The following TTN variants were observed in gnomAD, a reference collection of about 807,000 sequenced individuals.
TTN encodes the protein connectin.
A neutral mutation model predicts 3,223.0 loss-of-function variants in TTN; 1,525 were observed. That is an observed-to-expected ratio of 0.47 (90% CI 0.45 to 0.49). TTN has a LOEUF of 0.49. Ranked by LOEUF, TTN falls within the 20% of genes least tolerant of loss-of-function variation. The pLI is 0.00. For missense variants in TTN, 40,786 were observed against 43,424.0 expected (o/e 0.94, Z 5.40); for synonymous variants, 14,094 against 15,161.0 (o/e 0.93, Z 5.17).
At chr2:178,803,124 T>G (rs775253245) in intron 2 of TTN, among the ~76,000 whole-genome samples, 1 of 152,210 alleles carries the variant, frequency 6.6e-6, no homozygotes, top group Non-Finnish European at 1.5e-5. Flanking sequence ...GGCATAAAGG[T>G]TGATGCTCTA....
chr2:178,694,948 T>C (rs1360609983), intron 115 of TTN, 42 bp from the exon 116 acceptor site: 1 of 1,406,900 alleles, frequency 7.1e-7, no homozygotes. Flanking sequence ...TTAGAATTCC[T>C]ATTAAAATTC....
At chr2:178,804,692 C>A in intron 1 of TTN, 37 bp from the exon 2 acceptor site, 1 of 1,581,864 alleles carries the variant, frequency 6.3e-7, no homozygotes, top group Non-Finnish European at 8.7e-7. Flanking sequence ...GGTGTCCCAG[C>A]TAAGGGTCAC....
rs1467625585 is a variant in TTN at position 178,751,666 on chromosome 2, A to G, written c.11311+1458T>C. On this transcript the variant is annotated intron_variant, in intron 47 of 362. Coordinates refer to ENST00000589042, the MANE Select transcript of TTN (RefSeq NM_001267550.2). ...CTTCACTATTAATTGCTAGTAACCT[A>G]TAACTTCCAGAATCTCTGTCTTGGA... 4.3e-6 allele frequency: 7 copies of G among 1,613,332 alleles called. No individual in the cohort carries two copies. In the African/African-American group the frequency reaches 8.0e-5, roughly 18 times the overall value.
intron 6 of TTN, among the ~76,000 whole-genome samples, chr2:178,796,965 C>T (rs2093801611): frequency 6.6e-6 from 1 of 152,190 alleles, no homozygotes; most frequent in African/African-American, 2.4e-5. Context: ...AGGAAGCAGT[C>T]TATCTTTGAT....
intron 98 of TTN, 22 bp from the exon 99 acceptor site, chr2:178,709,878 T>C (rs1405868561): frequency 6.3e-7 from 1 of 1,587,142 alleles, no homozygotes; most frequent in Non-Finnish European, 8.6e-7. Flanking sequence ...TGCAAGGATA[T>C]ATGAAGTAGA....
At position 178,572,895 on chromosome 2, in the gene TTN, C is replaced by A; in HGVS notation, c.73237G>T (p.Val24413Phe). Reference protein sequence around the residue: ...NSEGLGEPALVPGTPKAEDRM... With the variant: ...NSEGLGEPALFPGTPKAEDRM... ...TCTTCAGCCTTTGGAGTTCCAGGAACAAGGGCAGGTTCCCCAAGTCCTTCG... is the reference window on the plus strand; with the variant it reads ...TCTTCAGCCTTTGGAGTTCCAGGAAAAAGGGCAGGTTCCCCAAGTCCTTCG... Residue 24413 changes from valine (V) to phenylalanine (F), a missense_variant, in exon 326 of 363, where the codon GTT becomes TTT. Transcript: ENST00000589042. 6.2e-7 allele frequency: 1 copy of A among 1,613,376 alleles called. No individual in the cohort carries two copies. The highest frequency in any genetic ancestry group is 8.5e-7 in the Non-Finnish European group (1 of 1,179,584).
rs886044414 is a variant in TTN at position 178,533,814 on chromosome 2, CTTA to C, written c.102798_102800del (p.Asn34266del). 16 of 1,613,974 alleles carry C rather than the reference CTTA, an allele frequency of 9.9e-6. No homozygotes were observed. The highest frequency in any genetic ancestry group is 1.3e-5 in the African/African-American group (1 of 75,040). On this transcript the variant is annotated inframe_deletion, in exon 358 of 363. Coordinates refer to ENST00000589042, the MANE Select transcript of TTN (RefSeq NM_001267550.2). ...GGACATTTTCACCTACATAAGCTGTCTTATTATAGAGAGGCAGGGTAAATTCTG... is the reference window on the plus strand; with the variant it reads ...GGACATTTTCACCTACATAAGCTGTCTTATAGAGAGGCAGGGTAAATTCTG...
Position 178,670,253 on chromosome 2 carries a change from C to T in TTN, c.35351G>A (p.Arg11784His), listed in dbSNP as rs756874306. The change falls in exon 157 of 363, where the codon CGT (arginine) becomes CAT (histidine). Residue 11784 changes from arginine to histidine, a missense_variant. By Grantham distance (29) the Arg-to-His change is conservative. Coordinates refer to ENST00000589042, the MANE Select transcript of TTN (RefSeq NM_001267550.2). ...PKKIVVEEKVRVPEEPRVPPT... is the reference protein window; with the variant it reads ...PKKIVVEEKVHVPEEPRVPPT... ...TGGAACTCTGGGCTCTTCAGGAACA[C>T]GTACTTTTTCTTCTACCACAATTTT... 15 of 1,494,056 alleles carry T rather than the reference C, an allele frequency of 1.0e-5. No individual in the cohort carries two copies. In the East Asian group the frequency reaches 1.8e-4, roughly 18 times the overall value. 92.5% of individuals were successfully genotyped at this position (1,494,056 alleles called of 1,614,324 possible).
intron 48 of TTN, among the ~76,000 whole-genome samples, chr2:178,738,756 CA>C (rs2081972026): frequency 6.6e-6 from 1 of 152,012 alleles, no homozygotes; most frequent in African/African-American, 2.4e-5. Flanking sequence ...AAGAAACAGA[CA>C]ACTAATCATG....
chr2:178,529,435 A>G (rs748855536), intron 359 of TTN: 4 of 395,922 alleles, frequency 1.0e-5, no homozygotes, highest in East Asian at 3.9e-5. Flanking sequence ...AACTGAGCCA[A>G]AGATGATTCA....
rs1378235711 is a variant in TTN, at chr2:178,554,695, ATCT to A, written c.88649_88651del (p.Lys29550del). 6.8e-6 allele frequency: 11 copies of A among 1,613,828 alleles called. No homozygotes were observed. Among genetic ancestry groups the A allele is most frequent in the African/African-American group, 2.7e-5 (2 of 74,938 alleles). On this transcript the variant is annotated inframe_deletion, in exon 332 of 363. Transcript: ENST00000589042. The stretch of plus-strand genomic sequence containing the variant: ...AGCTGGAGGCCGCCAGAGAAGGGTG[ATCT>A]TCTCAGCAGTTACAGTCTTAAATTC...
Position 178,681,669 on chromosome 2 carries a change from G to A in TTN, c.33164C>T (p.Pro11055Leu), listed in dbSNP as rs193051231. ...EPVPTKPKAPPAKVLKKAVPE... is the reference protein window; with the variant it reads ...EPVPTKPKAPLAKVLKKAVPE... The stretch of plus-strand genomic sequence containing the variant: ...TGTTTTTTTCACTCTACCTTTAGCC[G>A]GTGGGGCCTTTGGTTTTGTGGGAAC... Residue 11055 changes from proline (P) to leucine (L), a missense_variant, in exon 136 of 363, where the codon CCG (proline) becomes CTG (leucine). Physicochemically the swap from Pro to Leu is moderately conservative, Grantham distance 98. Coordinates refer to ENST00000589042, the MANE Select transcript of TTN (RefSeq NM_001267550.2). 2.7e-5 allele frequency: 43 copies of A among 1,605,438 alleles called. No homozygotes were observed. The East Asian group carries it at 5.8e-4, about 22-fold the overall frequency.
chr2:178,590,333 A>G lies in TTN; in HGVS notation c.61392T>C (p.Ser20464=), dbSNP rs1267146087. ...GEGEPRELAE[S]VIAKDILHPP... Reference sequence around the variant, plus strand: ...GATGAAGGATATCTTTTGCAATCACAGATTCTGCTAGTTCTCTTGGCTCAC... The same window carrying G: ...GATGAAGGATATCTTTTGCAATCACGGATTCTGCTAGTTCTCTTGGCTCAC... The change falls in exon 304 of 363, where the codon TCT becomes TCC. Residue 20464 remains serine (S), a synonymous_variant. Transcript: ENST00000589042. The G allele has an allele frequency of 6.4e-7, 1 of 1,569,926 alleles. No homozygotes were observed. The highest frequency in any genetic ancestry group is 8.6e-7 in the Non-Finnish European group (1 of 1,159,372).
chr2:178,589,019 T>C lies in TTN; in HGVS notation c.62706A>G (p.Glu20902=). 6.2e-7 allele frequency: 1 copy of C among 1,610,806 alleles called. No individual in the cohort carries two copies. The highest frequency in any genetic ancestry group is 8.5e-7 in the Non-Finnish European group (1 of 1,179,438). Residue 20902 remains glutamate (E), a synonymous_variant, in exon 304 of 363, where the codon GAA becomes GAG. Coordinates refer to ENST00000589042, the MANE Select transcript of TTN (RefSeq NM_001267550.2). ...GGCEIQNYIL[E]KCETKRMVWS... is the part of the protein sequence containing the mutation. ...AAACCATTCGCTTTGTCTCACATTTTTCTAGAATATAATTTTGGATTTCAC... is the reference window on the plus strand; with the variant it reads ...AAACCATTCGCTTTGTCTCACATTTCTCTAGAATATAATTTTGGATTTCAC...
chr2:178,783,605 T>C (rs2092956199), intron 17 of TTN, 115 bp downstream of exon 17: 3 of 938,120 alleles, frequency 3.2e-6, no homozygotes, highest in East Asian at 2.6e-5. Context: ...TGAGCATCTG[T>C]AAGCTCACTA....
Position 178,567,207 on chromosome 2 carries a change from A to T in TTN, c.78925T>A (p.Ser26309Thr), listed in dbSNP as rs113597171. 4 of 1,611,726 alleles carry T rather than the reference A, an allele frequency of 2.5e-6. No homozygotes were observed. In the African/African-American group the frequency reaches 4.0e-5, roughly 16 times the overall value. The change falls in exon 326 of 363, where the codon TCT (serine) becomes ACT (threonine). Residue 26309 changes from serine (S) to threonine (T), a missense_variant. Ser to Thr is a moderately conservative substitution (Grantham distance 58). Coordinates refer to ENST00000589042, the MANE Select transcript of TTN (RefSeq NM_001267550.2). ...VTSEKCSLTW[S>T]PPLQDGGSDI... ...CTGCCACCATCTTGAAGTGGTGGAG[A>T]CCATGTTAAAGAGCATTTTTCAGAA...
chr2:178,646,956 CTCTTGTATATAATT>C (rs1046430286), intron 215 of TTN, 94 bp downstream of exon 215: 2 of 381,502 alleles, frequency 5.2e-6, no homozygotes, highest in African/African-American at 4.2e-5. Context: ...TGCTAGACTG[CTCTTGTATATAATT>C]TCAAGAAGGA....
In TTN at chr2:178,615,003, T is replaced by C. The variant is rs747345748; in HGVS notation, c.48639-35A>G. 18 of 1,549,654 alleles carry C rather than the reference T, an allele frequency of 1.2e-5. 1 individual carries two copies. Among genetic ancestry groups the C allele is most frequent in the Non-Finnish European group, 1.5e-5 (17 of 1,134,370 alleles). On this transcript the variant is annotated intron_variant, in intron 259 of 362. Transcript: ENST00000589042. ...AACAGAATAGGATGTTTTACTGTGA[T>C]GTCGATAATCGTTTCATTGTGTAGT...
intron 270 of TTN, among the ~76,000 whole-genome samples, 156 bp downstream of exon 270, chr2:178,610,837 T>A (rs957536709): frequency 5.9e-5 from 9 of 152,046 alleles, no homozygotes; most frequent in Non-Finnish European, 1.3e-4. Flanking sequence ...TCTTTAGAAT[T>A]GTTTTACTTC....
Sources: allele counts gnomAD v4.1 joint callset (sites outside exome capture counted in the v4.1 genomes callset), GRCh38; gene constraint gnomAD v4.1.1; transcripts MANE v1.5; gene names NCBI Gene and HGNC (gene_info 2026-07-23, HGNC 2026-07-21).